Variants in IFIT1 observed in about 807,000 individuals in gnomAD.
IFIT1 encodes interferon induced protein with tetratricopeptide repeats 1.
A neutral mutation model predicts 2.5 loss-of-function variants in IFIT1; 1 was observed. That is an observed-to-expected ratio of 0.40 (90% confidence interval 0.14 to 1.92). IFIT1 has a LOEUF of 1.92. Ranked by LOEUF, IFIT1 falls within the 40% of genes most tolerant of loss-of-function variation. The pLI is 0.31. For missense variants in IFIT1, 508 were observed against 557.8 expected, an observed-to-expected ratio of 0.91 and a Z score of 0.90; for synonymous variants, 191 against 201.7, an observed-to-expected ratio of 0.95 and a Z score of 0.45.
intron 1 of IFIT1, among the ~76,000 whole-genome samples, chr10:89,394,627 TAAA>T (rs200724657): frequency 2.8e-5 from 1 of 35,094 alleles, no homozygotes; most frequent in African/African-American, 1.1e-4. Flanking sequence ...TATATATATA[TAAA>T]ACTTGAATTT....
At chr10:89,399,549 T>C (rs1471143223) in intron 1 of IFIT1, among the ~76,000 whole-genome samples, 1 of 152,232 alleles carries the variant, frequency 6.6e-6, no homozygotes, top group Non-Finnish European at 1.5e-5. Flanking sequence ...AATTTTTGTA[T>C]ATGGCATAAA....
chr10:89,393,302 A>C (rs2133613250), intron 1 of IFIT1: 1 of 1,288,776 alleles, frequency 7.8e-7, no homozygotes, highest in Middle Eastern at 2.2e-4. Context: ...TGAGCTTAAG[A>C]TAAACAGATT....
chr10:89,399,033 A>G (rs950841099), intron 1 of IFIT1, among the ~76,000 whole-genome samples: 3 of 137,094 alleles, frequency 2.2e-5, no homozygotes, highest in African/African-American at 6.1e-5. Context: ...AATAATTGTT[A>G]TATCCTGCTT....
At chr10:89,401,202 T>C (rs893204690) in intron 1 of IFIT1, among the ~76,000 whole-genome samples, 1 of 151,916 alleles carries the variant, frequency 6.6e-6, no homozygotes, top group African/African-American at 2.4e-5. Flanking sequence ...CTGCAACCTC[T>C]GCCTCTCAGA....
chr10:89,403,651 A>T lies in IFIT1; in HGVS notation c.1376A>T (p.Tyr459Phe). ...LEGNMNEALEYYERALRLAAD... is the reference protein window; with the variant it reads ...LEGNMNEALEFYERALRLAAD... ...GGAAATATGAATGAAGCCCTGGAGT[A>T]CTATGAGCGGGCCCTGAGACTGGCT... Residue 459 changes from tyrosine to phenylalanine, a missense_variant, in exon 2 of 2, where the codon TAC (tyrosine) becomes TTC (phenylalanine). Coordinates refer to ENST00000371804, the MANE Select transcript of IFIT1 (RefSeq NM_001548.5). The T allele has an allele frequency of 6.2e-7, 1 of 1,613,158 alleles. No homozygotes were observed. Among genetic ancestry groups the T allele is most frequent in the Non-Finnish European group, 8.5e-7 (1 of 1,179,752 alleles).
intron 1 of IFIT1, among the ~76,000 whole-genome samples, chr10:89,401,800 A>C (rs1844428830): frequency 6.6e-6 from 1 of 152,224 alleles, no homozygotes; most frequent in South Asian, 2.1e-4. Flanking sequence ...GAAAAAAAAA[A>C]AACCCGGGTC....
intron 1 of IFIT1, among the ~76,000 whole-genome samples, chr10:89,401,899 C>A (rs1242099026): frequency 6.6e-6 from 1 of 151,996 alleles, no homozygotes; most frequent in Non-Finnish European, 1.5e-5. Context: ...TTCTGCATTT[C>A]TAACTGACCT....
At position 89,402,885 on chromosome 10, in the gene IFIT1, C is replaced by A; in HGVS notation, c.610C>A (p.Leu204Ile). 2 of 1,614,202 alleles carry A rather than the reference C, an allele frequency of 1.2e-6. No individual in the cohort carries two copies. The highest frequency in any genetic ancestry group is 1.7e-6 in the Non-Finnish European group (2 of 1,180,030). The change falls in exon 2 of 2, where the codon CTT becomes ATT. Residue 204 changes from leucine to isoleucine, a missense_variant. By Grantham distance (5) the Leu-to-Ile change is conservative. Transcript: ENST00000371804. ...AAAAAATCACAAGCCATTTTCTTTG[C>A]TTCCCCTAAGGCAGGCTGTCCGCTT... ...ATKNHKPFSL[L>I]PLRQAVRLNP...
At chr10:89,401,949 T>C (rs916184072) in intron 1 of IFIT1, among the ~76,000 whole-genome samples, 1 of 152,210 alleles carries the variant, frequency 6.6e-6, no homozygotes, top group Admixed American at 6.5e-5. Flanking sequence ...GAAACTCTTA[T>C]ATAGCATATA....
intron 1 of IFIT1, chr10:89,393,059 G>A: frequency 2.0e-6 from 2 of 1,018,040 alleles, no homozygotes; most frequent in South Asian, 1.5e-5. Flanking sequence ...TGTCTGATAT[G>A]GGGAAGGAAT....
In IFIT1 at chr10:89,403,086, CTT is replaced by C; in HGVS notation, c.812_813del (p.Leu271ArgfsTer40). Reference protein sequence around the residue: ...YRRKGSVDKALELLKKALQET... With the variant: ...YRRKGSVDKAXELLKKALQET... ...AAGAAAAGGCTCTGTGGATAAAGCTCTTGAGTTATTAAAAAAGGCCTTGCAGG... is the reference window on the plus strand; with the variant it reads ...AAGAAAAGGCTCTGTGGATAAAGCTCGAGTTATTAAAAAAGGCCTTGCAGG... On this transcript the variant is annotated frameshift_variant, in exon 2 of 2. Coordinates refer to ENST00000371804, the MANE Select transcript of IFIT1 (RefSeq NM_001548.5). LOFTEE classifies it low-confidence loss of function (END_TRUNC). The C allele has an allele frequency of 6.2e-7, 1 of 1,614,186 alleles. No homozygotes were observed. Among genetic ancestry groups the C allele is most frequent in the Non-Finnish European group, 8.5e-7 (1 of 1,180,040 alleles).
chr10:89,402,176 G>C, intron 1 of IFIT1, 105 bp from the exon 2 acceptor site: 1 of 709,980 alleles, frequency 1.4e-6, no homozygotes, highest in South Asian at 1.9e-5. Flanking sequence ...ACCTAAGTAA[G>C]TTGATCCTTT....
In IFIT1 at chr10:89,403,336, G is replaced by A. The variant is rs1324130826; in HGVS notation, c.1061G>A (p.Gly354Asp). The A allele has an allele frequency of 1.2e-6, 2 of 1,612,948 alleles. No individual in the cohort carries two copies. Among genetic ancestry groups the A allele is most frequent in the East Asian group, 2.2e-5 (1 of 44,888 alleles). Residue 354 changes from glycine (G) to aspartate (D), a missense_variant, in exon 2 of 2, where the codon GGC becomes GAC. Gly to Asp is a moderately conservative substitution (Grantham distance 94, BLOSUM62 -1). Coordinates refer to ENST00000371804, the MANE Select transcript of IFIT1 (RefSeq NM_001548.5). ...CTGGCAAGAATGTATATAGAAGCAGGCAATCACAGAAAAGCTGAAGAGAAT... is the reference window on the plus strand; with the variant it reads ...CTGGCAAGAATGTATATAGAAGCAGACAATCACAGAAAAGCTGAAGAGAAT... ...LDLARMYIEA[G>D]NHRKAEENFQ...
chr10:89,402,182 C>A, intron 1 of IFIT1, 99 bp from the exon 2 acceptor site: 1 of 731,106 alleles, frequency 1.4e-6, no homozygotes, highest in Non-Finnish European at 2.3e-6. Flanking sequence ...GTAAGTTGAT[C>A]CTTTCAAGGA....
intron 1 of IFIT1, among the ~76,000 whole-genome samples, chr10:89,395,740 A>T (rs1844333725): frequency 6.6e-6 from 1 of 152,126 alleles, no homozygotes; most frequent in Non-Finnish European, 1.5e-5. Flanking sequence ...AATATCCATG[A>T]CCAAATACCC....
intron 1 of IFIT1, among the ~76,000 whole-genome samples, chr10:89,396,650 T>C (rs955660659): frequency 2.6e-5 from 4 of 152,200 alleles, no homozygotes; most frequent in African/African-American, 9.6e-5. Flanking sequence ...ACCTCCAAAA[T>C]TGTGACACTA....
Position 89,403,175 on chromosome 10 carries a change from CCAAA to C in IFIT1, c.901_904del (p.Gln301SerfsTer17), listed in dbSNP as rs1844467240. On this transcript the variant is annotated frameshift_variant, in exon 2 of 2. Coordinates refer to ENST00000371804, the MANE Select transcript of IFIT1 (RefSeq NM_001548.5). LOFTEE classifies it low-confidence loss of function (END_TRUNC). ...GGCTTTGCTACAAGGCACAAATGAT[CCAAA>C]TCAAGGAGGCTACAAAAGGGCAGCC... 6.2e-7 allele frequency: 1 copy of C among 1,613,756 alleles called. No homozygotes were observed. Among genetic ancestry groups the C allele is most frequent in the East Asian group, 2.2e-5 (1 of 44,894 alleles).
At chr10:89,393,366 C>T in intron 1 of IFIT1, 1 of 1,115,180 alleles carries the variant, frequency 9.0e-7, no homozygotes, top group South Asian at 1.4e-5. Context: ...GAAGATGATC[C>T]ACATCTGCTT....
intron 1 of IFIT1, among the ~76,000 whole-genome samples, chr10:89,396,124 C>T (rs1002769893): frequency 6.6e-6 from 1 of 151,960 alleles, no homozygotes; most frequent in African/African-American, 2.4e-5. Context: ...GAATGTATAC[C>T]CAGGAATGTG....
Sources: allele counts gnomAD v4.1 joint callset (sites outside exome capture counted in the v4.1 genomes callset), GRCh38; gene constraint gnomAD v4.1.1; transcripts MANE v1.5; gene names NCBI Gene and HGNC (gene_info 2026-07-23, HGNC 2026-07-21).